ZNF879: variants seen among roughly 807,000 people sequenced by gnomAD.
ZNF879 encodes zinc finger protein 879.
In ZNF879, 32 loss-of-function variants were observed where a neutral mutation model predicts 44.3. The ratio of observed to expected loss-of-function variants is 0.72; its 90% CI spans 0.54 to 0.97. The LOEUF (loss-of-function observed/expected upper bound fraction) is 0.97. Among genes scored for constraint, ZNF879 ranks in the 50% least tolerant of loss-of-function variants. The pLI, the probability that ZNF879 is intolerant of heterozygous loss-of-function variation, is 0.00. For synonymous variants in ZNF879, 234 were observed against 233.2 expected, an observed-to-expected ratio of 1.00 and a Z score of -0.03; for missense variants, 621 against 669.7, an observed-to-expected ratio of 0.93 and a Z score of 0.80.
intron 1 of ZNF879, 72 bp from the exon 2 acceptor site, chr5:179,024,898 C>G (rs917231792): frequency 8.1e-7 from 1 of 1,232,260 alleles, no homozygotes; most frequent in African/African-American, 1.5e-5. Flanking sequence ...TGGCTTCTAA[C>G]CTGGTCTGGC....
intron 2 of ZNF879, among the ~76,000 whole-genome samples, chr5:179,026,130 G>T: frequency 6.6e-6 from 1 of 151,052 alleles, no homozygotes; most frequent in Non-Finnish European, 1.5e-5. Flanking sequence ...GTCTGAAGGA[G>T]ATAAGCTTTG....
intron 2 of ZNF879, 161 bp from the exon 3 acceptor site, chr5:179,027,311 GT>G: frequency 1.0e-6 from 1 of 998,836 alleles, no homozygotes; most frequent in Non-Finnish European, 1.5e-6. Flanking sequence ...AGGGGACGGT[GT>G]TTCACTCACC....
Position 179,032,945 on chromosome 5 carries a change from C to G in ZNF879, c.997C>G (p.Gln333Glu). The change falls in exon 5 of 5, where the codon CAG becomes GAG. Residue 333 changes from glutamine to glutamate, a missense_variant. Physicochemically the swap from Gln to Glu is conservative, Grantham distance 29 (BLOSUM62 2). Coordinates refer to ENST00000444149, the MANE Select transcript of ZNF879 (RefSeq NM_001136116.3). ...CTTCAGTCAGTGCTCATCTCTCATT[C>G]AGCACCACAGAATTCATACTGGGGA... The part of the protein sequence containing the change: ...RAFSQCSSLI[Q>E]HHRIHTGEKP... 2 of 1,560,892 alleles carry G rather than the reference C, an allele frequency of 1.3e-6. No individual in the cohort carries two copies. The highest frequency in any genetic ancestry group is 1.7e-6 in the Non-Finnish European group (2 of 1,152,530).
At chr5:179,028,179 G>T in intron 4 of ZNF879, 52 bp downstream of exon 4, 1 of 1,502,328 alleles carries the variant, frequency 6.7e-7, no homozygotes, top group South Asian at 1.2e-5. Context: ...CACTGCCAGG[G>T]CACAGCGAGG....
intron 4 of ZNF879, among the ~76,000 whole-genome samples, chr5:179,028,406 T>G (rs1355218491): frequency 6.6e-6 from 1 of 152,268 alleles, no homozygotes; most frequent in Non-Finnish European, 1.5e-5. Context: ...TCCTTTATCC[T>G]TGCTTTTACT....
rs1466553470 is a variant in ZNF879, at chr5:179,034,766, A to G, written c.*1126A>G. On this transcript the variant is annotated 3_prime_UTR_variant, in exon 5 of 5. Coordinates refer to ENST00000444149, the MANE Select transcript of ZNF879 (RefSeq NM_001136116.3). ...TGAATCATAAGATTAGCAAGCTAAA[A>G]ACAGTTATCTCACAAGTCAAAATTG... 5 of 152,230 alleles carry G rather than the reference A, an allele frequency of 3.3e-5. No homozygotes were observed. Among genetic ancestry groups the G allele is most frequent in the African/African-American group, 1.2e-4 (5 of 41,456 alleles). The allele number at this position is 152,230 out of a possible 1,614,324, so 9.4% of individuals were successfully genotyped here. A position where few individuals can be genotyped will look rare whatever the true frequency, so the allele number is the denominator to read the frequency against.
In ZNF879 at chr5:179,033,514, A is replaced by G; in HGVS notation, c.1566A>G (p.Arg522=). 6.4e-7 allele frequency: 1 copy of G among 1,557,578 alleles called. No individual in the cohort carries two copies. The highest frequency in any genetic ancestry group is 8.7e-7 in the Non-Finnish European group (1 of 1,150,658). ...GTAAAGTGTGTGGGAAAGCCTTCAG[A>G]CAGAGTTCATCCCTTATGACACACA... ...YNCKVCGKAF[R]QSSSLMTHMR... Residue 522 remains arginine, a synonymous_variant, in exon 5 of 5, where the codon AGA becomes AGG. Transcript: ENST00000444149.
intron 1 of ZNF879, among the ~76,000 whole-genome samples, chr5:179,024,137 C>G (rs1761191674): frequency 6.6e-6 from 1 of 152,212 alleles, no homozygotes; most frequent in South Asian, 2.1e-4. Context: ...GGGCCGGACT[C>G]CGGGGGAAAC....
Position 179,027,581 on chromosome 5 carries a change from A to G in ZNF879, c.142A>G (p.Ser48Gly). ...CCGGGAGGTGATGCTGGAGAACTAC[A>G]GCATCCTGGTCTCACTGGGTAAGGA... ...LYREVMLENYSILVSLGILFS... is the reference protein window; with the variant it reads ...LYREVMLENYGILVSLGILFS... The change falls in exon 3 of 5, where the codon AGC (serine) becomes GGC (glycine). Residue 48 changes from serine to glycine, a missense_variant. By Grantham distance (56) the Ser-to-Gly change is moderately conservative. Coordinates refer to ENST00000444149, the MANE Select transcript of ZNF879 (RefSeq NM_001136116.3). The G allele has an allele frequency of 1.2e-5, 20 of 1,614,126 alleles. No homozygotes were observed. Among genetic ancestry groups the G allele is most frequent in the Non-Finnish European group, 1.6e-5 (19 of 1,180,032 alleles).
At chr5:179,026,540 TA>T (rs1761275619) in intron 2 of ZNF879, among the ~76,000 whole-genome samples, 1 of 152,118 alleles carries the variant, frequency 6.6e-6, no homozygotes, top group Non-Finnish European at 1.5e-5. Flanking sequence ...TGGAGTGCAG[TA>T]GTGTGATCAC....
chr5:179,028,682 G>A (rs1327316686), intron 4 of ZNF879, among the ~76,000 whole-genome samples: 4 of 152,082 alleles, frequency 2.6e-5, no homozygotes, highest in Non-Finnish European at 4.4e-5. Flanking sequence ...TACTCATCAC[G>A]CTATTCTTCT....
At chr5:179,030,240 T>C (rs1761385132) in intron 4 of ZNF879, among the ~76,000 whole-genome samples, 1 of 152,220 alleles carries the variant, frequency 6.6e-6, no homozygotes, top group Non-Finnish European at 1.5e-5. Flanking sequence ...AGCAGTATCG[T>C]TAGTGGGACT....
Position 179,027,518 on chromosome 5 carries a change from G to A in ZNF879, c.79G>A (p.Glu27Lys), listed in dbSNP as rs758506609. 4 of 1,614,046 alleles carry A rather than the reference G, an allele frequency of 2.5e-6. No homozygotes were observed. The highest frequency in any genetic ancestry group is 4.5e-5 in the East Asian group (2 of 44,890). The change falls in exon 3 of 5, where the codon GAG (glutamate) becomes AAG (lysine). Residue 27 changes from glutamate (E) to lysine (K), a missense_variant. Transcript: ENST00000444149. ...RDVAVFFSQD[E>K]WLHLDSAQRA... ...TGTGGCCGTGTTCTTCAGCCAGGAC[G>A]AGTGGTTGCACCTGGACTCTGCCCA...
Position 179,033,855 on chromosome 5 carries a change from T to C in ZNF879, c.*215T>C. The C allele has an allele frequency of 4.9e-6, 2 of 407,580 alleles. No homozygotes were observed. The highest frequency in any genetic ancestry group is 4.3e-6 in the Non-Finnish European group (1 of 231,526). The allele number at this position is 407,580 out of a possible 1,614,324, so 25.2% of individuals were successfully genotyped here. On this transcript the variant is annotated 3_prime_UTR_variant, in exon 5 of 5. Coordinates refer to ENST00000444149, the MANE Select transcript of ZNF879 (RefSeq NM_001136116.3). ...GTTTATTCATATGTTCTTAAGTTAT[T>C]ACCATGAAATGGAGAATTTTTAAGA... is the stretch of plus-strand genomic sequence containing the variant.
chr5:179,027,122 C>T (rs1047392308), intron 2 of ZNF879, among the ~76,000 whole-genome samples: 5 of 152,192 alleles, frequency 3.3e-5, no homozygotes, highest in Non-Finnish European at 7.4e-5. Flanking sequence ...CTATATCTCC[C>T]TCAGTGAATG....
rs1450906882 is a variant in ZNF879 at position 179,024,961 on chromosome 5, C to A, written c.-35-9C>A. On this transcript the variant is annotated splice_polypyrimidine_tract_variant and intron_variant, in intron 1 of 4. Transcript: ENST00000444149. ...TGAAAAGACCTCACAGCTTTTTTCT[C>A]CATTCCAGGTGCCTTCTCCAAGAGA... The A allele has an allele frequency of 6.5e-7, 1 of 1,550,344 alleles. No homozygotes were observed.
chr5:179,027,640 C>T (rs1026776272), intron 3 of ZNF879, 41 bp downstream of exon 3: 2 of 1,603,440 alleles, frequency 1.2e-6, no homozygotes, highest in African/African-American at 2.7e-5. Flanking sequence ...GCCAGGAGAG[C>T]ACCTTAGCAC....
intron 1 of ZNF879, chr5:179,024,594 C>T (rs1312138250): frequency 6.0e-6 from 1 of 166,286 alleles, no homozygotes; most frequent in East Asian, 1.7e-4. Flanking sequence ...AGCATCAGTT[C>T]TTCAACTGCT....
intron 1 of ZNF879, chr5:179,024,347 ATTTC>A (rs1761198332): frequency 6.6e-6 from 1 of 152,156 alleles, no homozygotes. Context: ...TGATTTAACT[ATTTC>A]TTTTTTTATT....
Sources: gnomAD v4.1 joint callset for allele counts (sites outside exome capture counted in the v4.1 genomes callset) on GRCh38, gnomAD v4.1.1 for gene constraint, MANE v1.5 for transcripts, NCBI Gene and HGNC (gene_info 2026-07-23, HGNC 2026-07-21) for gene names.